The following SLC24A2 variants were observed in gnomAD, a reference collection of about 807,000 sequenced individuals.
The protein encoded by SLC24A2 is solute carrier family 24 member 2, also known as sodium/potassium/calcium exchanger 2.
SLC24A2 carries 36 observed loss-of-function variants against 62.0 expected under a neutral mutation model. That is an observed-to-expected ratio of 0.58 (90% CI 0.44 to 0.77). The LOEUF (loss-of-function observed/expected upper bound fraction) is 0.77, where lower values mean the gene tolerates loss of function less well. Ranked by LOEUF, SLC24A2 falls within the 30% of genes least tolerant of loss-of-function variation. The pLI, the probability that SLC24A2 is intolerant of heterozygous loss-of-function variation, is 0.00. For synonymous variants in SLC24A2, 358 were observed against 294.0 expected (o/e 1.22, Z -2.23); for missense variants, 846 against 817.9 (o/e 1.03, Z -0.42).
chr9:20,107,012 A>G, the SLC24A2 span, among the ~76,000 whole-genome samples: 3 of 152,274 alleles, frequency 2.0e-5, no homozygotes, highest in African/African-American at 7.2e-5. Context: ...CTCAGGATAC[A>G]AAATCAATGT....
At chr9:19,738,128 G>C (rs947588234) in intron 2 of SLC24A2, among the ~76,000 whole-genome samples, 11 of 152,258 alleles carry the variant, frequency 7.2e-5, no homozygotes, top group African/African-American at 2.6e-4. Context: ...CATTATGCAA[G>C]GAATCTATGT....
At chr9:19,586,343 A>AG (rs986701244) in intron 5 of SLC24A2, among the ~76,000 whole-genome samples, 93 of 152,320 alleles carry the variant, frequency 6.1e-4, no homozygotes, top group African/African-American at 2.1e-3. Context: ...TTGTGAGTAT[A>AG]GCAACATTAA....
the SLC24A2 span, among the ~76,000 whole-genome samples, chr9:20,261,584 G>T: frequency 6.6e-6 from 1 of 152,070 alleles, no homozygotes; most frequent in Admixed American, 6.5e-5. Flanking sequence ...TGCTGAATTG[G>T]GGATTAAGTT....
chr9:19,902,950 C>T, the SLC24A2 span, among the ~76,000 whole-genome samples: 4 of 152,028 alleles, frequency 2.6e-5, no homozygotes, highest in African/African-American at 9.7e-5. Context: ...AGCTGTGAGG[C>T]TCATTACTCT....
rs996081719 is a variant in SLC24A2 at position 19,754,442 on chromosome 9, T to C, written c.930+31495A>G. On this transcript the variant is annotated intron_variant, in intron 2 of 10. Coordinates refer to ENST00000341998, the MANE Select transcript of SLC24A2 (RefSeq NM_020344.4). The stretch of plus-strand genomic sequence containing the variant: ...TTGAATTCTTCAATGACAGCGGGAC[T>C]GGTGCCCAGTGTCTATTCCACTTTC... Among the ~76,000 whole-genome samples the C allele has an allele frequency of 5.3e-5, 8 of 152,318 alleles. 1 individual carries two copies. The highest frequency in any genetic ancestry group is 2.1e-4 in the South Asian group (1 of 4,830).
chr9:19,536,663 CGT>C (rs1833995525), intron 8 of SLC24A2, among the ~76,000 whole-genome samples: 1 of 56,222 alleles, frequency 1.8e-5, no homozygotes, highest in Non-Finnish European at 3.2e-5. Flanking sequence ...AATAAACATA[CGT>C]GTGCATGTGT....
At chr9:20,157,948 C>A in the SLC24A2 span, among the ~76,000 whole-genome samples, 172 of 151,620 alleles carry the variant, frequency 1.1e-3, 2 homozygotes, top group African/African-American at 3.9e-3. Flanking sequence ...TGCAAAGATC[C>A]TATAAGAAGA....
At chr9:19,653,633 G>C (rs1051733562) in intron 2 of SLC24A2, among the ~76,000 whole-genome samples, 4 of 152,186 alleles carry the variant, frequency 2.6e-5, no homozygotes, top group Admixed American at 6.5e-5. Flanking sequence ...GTAGAATCTT[G>C]AGCTTGGAGT....
At chr9:20,083,727 G>A in the SLC24A2 span, among the ~76,000 whole-genome samples, 11 of 152,178 alleles carry the variant, frequency 7.2e-5, no homozygotes, top group South Asian at 2.1e-4. Context: ...TTCGAAAGAT[G>A]ACTCCCACCA....
At position 19,636,359 on chromosome 9, in the gene SLC24A2, CTT is replaced by C. The variant is rs1224028832; in HGVS notation, c.931-14062_931-14061del. Reference sequence around the variant, plus strand: ...TCTTTCTTTCTTTCTTTCTTTCTTTCTTTCTTTCTTTCTTTCTTTCTTTCTTT... The same window carrying C: ...TCTTTCTTTCTTTCTTTCTTTCTTTCTCTTTCTTTCTTTCTTTCTTTCTTT... On this transcript the variant is annotated intron_variant, in intron 2 of 10. Coordinates refer to ENST00000341998, the MANE Select transcript of SLC24A2 (RefSeq NM_020344.4). 3.6e-4 allele frequency among the ~76,000 whole-genome samples: 13 copies of C among 36,562 alleles called. 3 individuals are homozygous for C. Among genetic ancestry groups the C allele is most frequent in the Admixed American group, 6.6e-4 (2 of 3,020 alleles). The allele number at this position is 36,562 out of a possible 152,430, so 24.0% of individuals were successfully genotyped here. A position where few individuals can be genotyped will look rare whatever the true frequency, so the allele number is the denominator to read the frequency against.
chr9:19,897,656 G>A, the SLC24A2 span, among the ~76,000 whole-genome samples: 5 of 152,104 alleles, frequency 3.3e-5, no homozygotes, highest in East Asian at 1.9e-4. Context: ...TCTAATATTC[G>A]GGTCTATTAT....
the SLC24A2 span, among the ~76,000 whole-genome samples, chr9:20,145,958 T>A: frequency 2.0e-5 from 3 of 151,912 alleles, no homozygotes; most frequent in African/African-American, 7.3e-5. Context: ...AGTCAGTACA[T>A]ATTTTTCTAT....
chr9:19,939,188 C>T, the SLC24A2 span, among the ~76,000 whole-genome samples: 1 of 152,148 alleles, frequency 6.6e-6, no homozygotes, highest in Non-Finnish European at 1.5e-5. Context: ...TATAGTGCCA[C>T]CTAAGTGTTT....
chr9:20,250,490 G>A, the SLC24A2 span, among the ~76,000 whole-genome samples: 2 of 152,154 alleles, frequency 1.3e-5, no homozygotes, highest in Non-Finnish European at 2.9e-5. Flanking sequence ...TCTGGCAAGT[G>A]AAATGAAATC....
At chr9:19,638,900 G>C (rs1818423445) in intron 2 of SLC24A2, among the ~76,000 whole-genome samples, 1 of 152,204 alleles carries the variant, frequency 6.6e-6, no homozygotes, top group South Asian at 2.1e-4. Context: ...TCTAAACTTG[G>C]AGATGGCAGG....
chr9:20,182,318 A>G, the SLC24A2 span, among the ~76,000 whole-genome samples: 19 of 152,268 alleles, frequency 1.2e-4, no homozygotes, highest in African/African-American at 4.6e-4. Flanking sequence ...TCATGCTACT[A>G]TAAAGACACA....
chr9:19,610,057 C>T (rs1004782623), intron 4 of SLC24A2, among the ~76,000 whole-genome samples: 9 of 152,040 alleles, frequency 5.9e-5, no homozygotes, highest in Non-Finnish European at 1.2e-4. Context: ...GGTTGGGGAC[C>T]CCTGCTTTAG....
At chr9:20,056,275 A>C in the SLC24A2 span, among the ~76,000 whole-genome samples, 1 of 152,288 alleles carries the variant, frequency 6.6e-6, no homozygotes, top group Admixed American at 6.5e-5. Context: ...TGTATAGAAG[A>C]CTATTATAAA....
the SLC24A2 span, among the ~76,000 whole-genome samples, chr9:19,813,479 G>T: frequency 6.6e-6 from 1 of 151,730 alleles, no homozygotes; most frequent in East Asian, 1.9e-4. Flanking sequence ...CACCATGTCT[G>T]GCTAATTTTT....
Sources: gnomAD v4.1 joint callset for allele counts (sites outside exome capture counted in the v4.1 genomes callset) on GRCh38, gnomAD v4.1.1 for gene constraint, MANE v1.5 for transcripts, NCBI Gene and HGNC (gene_info 2026-07-23, HGNC 2026-07-21) for gene names.